The following LDB2 variants were observed in gnomAD, a reference collection of about 807,000 sequenced individuals.
LDB2 encodes the protein LIM domain binding 2.
A neutral mutation model predicts 44.3 loss-of-function variants in LDB2; 12 were observed. That is an observed-to-expected ratio of 0.27 (90% CI 0.17 to 0.44). The LOEUF is 0.44. Among genes scored for constraint, LDB2 ranks in the 20% least tolerant of loss-of-function variants. The pLI, the probability that LDB2 is intolerant of heterozygous loss-of-function variation, is 1.00. For missense variants in LDB2, 344 were observed against 473.5 expected, an observed-to-expected ratio of 0.73 and a Z score of 2.54; for synonymous variants, 164 against 174.8, an observed-to-expected ratio of 0.94 and a Z score of 0.49.
chr4:16,723,710 C>G (rs975586628), intron 2 of LDB2, among the ~76,000 whole-genome samples: 2 of 152,044 alleles, frequency 1.3e-5, no homozygotes, highest in African/African-American at 4.8e-5. Context: ...CCAAGCAGAC[C>G]CCACTTTCAG....
intron 2 of LDB2, among the ~76,000 whole-genome samples, chr4:16,634,944 T>C (rs546897080): frequency 3.2e-4 from 48 of 152,340 alleles, no homozygotes; most frequent in African/African-American, 1.1e-3. Context: ...ATGTACACCA[T>C]GGAATACTAT....
chr4:16,508,465 T>A, intron 7 of LDB2, 70 bp downstream of exon 7: 3 of 1,271,100 alleles, frequency 2.4e-6, no homozygotes, highest in Non-Finnish European at 3.1e-6. Context: ...GAAAAGAGAC[T>A]TTAATTTGGG....
At chr4:16,590,972 T>TC (rs1424178086) in intron 3 of LDB2, among the ~76,000 whole-genome samples, 2 of 152,134 alleles carry the variant, frequency 1.3e-5, no homozygotes, top group African/African-American at 4.8e-5. Flanking sequence ...CCCTGGGGTG[T>TC]CGGCATGACA....
intron 2 of LDB2, among the ~76,000 whole-genome samples, chr4:16,693,635 C>G (rs1009036265): frequency 6.6e-6 from 1 of 152,162 alleles, no homozygotes; most frequent in Non-Finnish European, 1.5e-5. Flanking sequence ...ATCTGATCAC[C>G]TTCTGTGGTG....
intron 1 of LDB2, among the ~76,000 whole-genome samples, chr4:16,802,994 G>A (rs562194550): frequency 9.5e-4 from 144 of 152,226 alleles, no homozygotes; most frequent in African/African-American, 3.3e-3. Context: ...CCCCTCGACC[G>A]CTGTCTCCTG....
At chr4:16,883,819 T>C (rs923003297) in intron 1 of LDB2, among the ~76,000 whole-genome samples, 3 of 152,118 alleles carry the variant, frequency 2.0e-5, no homozygotes, top group Non-Finnish European at 2.9e-5. Context: ...AAACGATTCA[T>C]GGCCCACATT....
intron 5 of LDB2, among the ~76,000 whole-genome samples, chr4:16,558,975 G>C (rs922504491): frequency 3.9e-5 from 6 of 152,136 alleles, no homozygotes; most frequent in Non-Finnish European, 7.3e-5. Context: ...TCATAAGTAA[G>C]TGAAGGAGAA....
chr4:16,711,149 A>G (rs1755777566), intron 2 of LDB2, among the ~76,000 whole-genome samples: 1 of 152,242 alleles, frequency 6.6e-6, no homozygotes, highest in Non-Finnish European at 1.5e-5. Flanking sequence ...GTAATACAGC[A>G]AAAGTACTTC....
rs117875061 is a variant in LDB2 at position 16,861,887 on chromosome 4, C to T, written c.132+36467G>A. Among the ~76,000 whole-genome samples, 188 of 152,320 alleles carry T rather than the reference C, an allele frequency of 1.2e-3. 2 individuals carry two copies. The East Asian group carries it at 0.026, about 21-fold the overall frequency. ...TCATCCTCCCGAACCTATACACCTG[C>T]GGGGATACTCCCTAGGTGCTCAAGA... is the stretch of plus-strand genomic sequence containing the variant. On this transcript the variant is annotated intron_variant, in intron 1 of 7. Transcript: ENST00000304523.
At chr4:16,779,016 G>A (rs893642837) in intron 1 of LDB2, among the ~76,000 whole-genome samples, 16 of 152,120 alleles carry the variant, frequency 1.1e-4, no homozygotes, top group African/African-American at 9.7e-5. Flanking sequence ...GGACAATTTC[G>A]AGACAAATGC....
chr4:16,835,709 C>T (rs990206096), intron 1 of LDB2, among the ~76,000 whole-genome samples: 2 of 152,220 alleles, frequency 1.3e-5, no homozygotes, highest in African/African-American at 4.8e-5. Flanking sequence ...ATTTTATCTT[C>T]TCATCACCAA....
intron 1 of LDB2, among the ~76,000 whole-genome samples, chr4:16,766,647 A>G (rs1769369532): frequency 6.6e-6 from 1 of 151,402 alleles, no homozygotes; most frequent in Non-Finnish European, 1.5e-5. Flanking sequence ...CTGGGATTAT[A>G]GGCGCCCACC....
intron 2 of LDB2, among the ~76,000 whole-genome samples, chr4:16,629,836 C>A (rs1731396603): frequency 6.6e-6 from 1 of 151,800 alleles, no homozygotes; most frequent in African/African-American, 2.4e-5. Context: ...GAAAGGATAT[C>A]AGTGATTGAA....
chr4:16,666,680 G>A (rs1341995783), intron 2 of LDB2, among the ~76,000 whole-genome samples: 1 of 152,174 alleles, frequency 6.6e-6, no homozygotes, highest in Middle Eastern at 3.2e-3. Context: ...CAGTTTTGTG[G>A]AGACATGCCC....
At chr4:16,657,426 C>G (rs910952908) in intron 2 of LDB2, among the ~76,000 whole-genome samples, 1 of 152,134 alleles carries the variant, frequency 6.6e-6, no homozygotes, top group Non-Finnish European at 1.5e-5. Context: ...TAAAATTCAC[C>G]AGTCACCACC....
chr4:16,840,500 G>A (rs1785677883), intron 1 of LDB2, among the ~76,000 whole-genome samples: 1 of 152,150 alleles, frequency 6.6e-6, no homozygotes. Context: ...AGAGGAAAAG[G>A]TGAAAGAGGG....
intron 2 of LDB2, among the ~76,000 whole-genome samples, chr4:16,707,548 C>T (rs926568741): frequency 1.3e-5 from 2 of 152,150 alleles, no homozygotes; most frequent in Non-Finnish European, 2.9e-5. Flanking sequence ...TTAATTGTTG[C>T]AGTTTATTCA....
intron 5 of LDB2, among the ~76,000 whole-genome samples, chr4:16,525,599 T>A (rs888573739): frequency 2.6e-5 from 4 of 152,236 alleles, no homozygotes; most frequent in Admixed American, 2.6e-4. Context: ...ACCTACTTAC[T>A]GAATGTGTAC....
intron 1 of LDB2, among the ~76,000 whole-genome samples, chr4:16,794,012 G>A (rs1349787810): frequency 1.3e-5 from 2 of 152,122 alleles, no homozygotes; most frequent in Non-Finnish European, 2.9e-5. Context: ...AAGCCATACT[G>A]CCTCTTTCAG....
Sources: gnomAD v4.1 joint callset for allele counts (sites outside exome capture counted in the v4.1 genomes callset) on GRCh38, gnomAD v4.1.1 for gene constraint, MANE v1.5 for transcripts, NCBI Gene and HGNC (gene_info 2026-07-23, HGNC 2026-07-21) for gene names.